Variants in CPQ observed in about 807,000 individuals in gnomAD.
CPQ encodes the protein Ser-Met dipeptidase.
In CPQ, 37 loss-of-function variants were observed where a neutral mutation model predicts 45.7. That is an observed-to-expected ratio of 0.81 (90% CI 0.62 to 1.07). The LOEUF is 1.07. Among genes scored for constraint, CPQ ranks in the 50% least tolerant of loss-of-function variants. The pLI is 0.00. For synonymous variants in CPQ, 186 were observed against 205.8 expected (o/e 0.90, Z 0.82); for missense variants, 537 against 572.9 (o/e 0.94, Z 0.64).
chr8:96,804,997 T>G (rs1811061751), intron 2 of CPQ, among the ~76,000 whole-genome samples: 1 of 152,178 alleles, frequency 6.6e-6, no homozygotes, highest in African/African-American at 2.4e-5. Context: ...TGTATTACTT[T>G]CATCTGAAGA....
At chr8:96,986,544 T>C (rs1204383673) in intron 5 of CPQ, among the ~76,000 whole-genome samples, 1 of 151,964 alleles carries the variant, frequency 6.6e-6, no homozygotes, top group Non-Finnish European at 1.5e-5. Context: ...AAGAAACAAA[T>C]CTCTATTTTC....
chr8:97,021,660 G>C (rs1433876017), intron 5 of CPQ, among the ~76,000 whole-genome samples: 1 of 152,092 alleles, frequency 6.6e-6, no homozygotes, highest in Non-Finnish European at 1.5e-5. Flanking sequence ...ACCTAACCAA[G>C]GATGTGAAAG....
intron 1 of CPQ, among the ~76,000 whole-genome samples, chr8:96,662,333 A>G (rs930838987): frequency 6.6e-6 from 1 of 152,182 alleles, no homozygotes; most frequent in Non-Finnish European, 1.5e-5. Context: ...ATTTCTCTTG[A>G]TGAAGATATG....
intron 7 of CPQ, among the ~76,000 whole-genome samples, chr8:97,134,267 A>G (rs1489617579): frequency 6.6e-6 from 1 of 152,264 alleles, no homozygotes; most frequent in Non-Finnish European, 1.5e-5. Flanking sequence ...AGGAGCTTAC[A>G]TTCTAGCAGA....
chr8:96,692,151 G>C (rs547912404), intron 1 of CPQ, among the ~76,000 whole-genome samples: 1 of 152,318 alleles, frequency 6.6e-6, no homozygotes, highest in Non-Finnish European at 1.5e-5. Flanking sequence ...AAAGGAGAAT[G>C]ATATTGGTAA....
At chr8:97,131,402 C>T (rs894919681) in intron 7 of CPQ, among the ~76,000 whole-genome samples, 5 of 152,216 alleles carry the variant, frequency 3.3e-5, no homozygotes, top group African/African-American at 1.2e-4. Context: ...TTTTTCTGAA[C>T]ATGATACATA....
chr8:96,821,693 C>T (rs182152022), intron 2 of CPQ, among the ~76,000 whole-genome samples: 3 of 152,024 alleles, frequency 2.0e-5, no homozygotes, highest in Admixed American at 6.6e-5. Context: ...CTCCTATTTG[C>T]CAGACACTGT....
chr8:96,795,690 G>A (rs1466401783), intron 2 of CPQ, among the ~76,000 whole-genome samples: 2 of 151,896 alleles, frequency 1.3e-5, no homozygotes, highest in Non-Finnish European at 2.9e-5. Flanking sequence ...ATAATGCCTT[G>A]TTATTGGAAA....
chr8:96,738,448 T>A (rs908468131), intron 1 of CPQ, among the ~76,000 whole-genome samples: 6 of 151,710 alleles, frequency 4.0e-5, no homozygotes, highest in Non-Finnish European at 5.9e-5. Flanking sequence ...TTTTTTATTT[T>A]TTTATTTTTT....
chr8:96,852,992 C>A (rs1482714976), intron 3 of CPQ, among the ~76,000 whole-genome samples: 2 of 152,180 alleles, frequency 1.3e-5, no homozygotes, highest in African/African-American at 4.8e-5. Flanking sequence ...CTTCCCAGAC[C>A]CCTGTGGGCA....
intron 1 of CPQ, among the ~76,000 whole-genome samples, chr8:96,665,121 G>T (rs1808902582): frequency 6.6e-6 from 1 of 152,206 alleles, no homozygotes; most frequent in African/African-American, 2.4e-5. Flanking sequence ...GGGCAGGTCA[G>T]TAAAAGTATC....
chr8:96,795,931 ATTTT>A lies in CPQ; in HGVS notation c.433+10604_433+10607del, dbSNP rs561092814. 3.3e-3 allele frequency among the ~76,000 whole-genome samples: 499 copies of A among 152,182 alleles called. 2 individuals carry two copies. The highest frequency in any genetic ancestry group is 0.01 in the Middle Eastern group (3 of 292). ...CAATAAAGTTCTTAGAAGCTGTTTT[ATTTT>A]TTAGTGGTTTTAGTTGTTTAAAAAT... On this transcript the variant is annotated intron_variant, in intron 2 of 7. Coordinates refer to ENST00000220763, the MANE Select transcript of CPQ (RefSeq NM_016134.4).
At chr8:97,142,125 CTTA>C (rs1247478733) in intron 7 of CPQ, among the ~76,000 whole-genome samples, 3 of 152,164 alleles carry the variant, frequency 2.0e-5, no homozygotes, top group African/African-American at 7.2e-5. Flanking sequence ...CATATATGTA[CTTA>C]TTATTTTCAC....
At chr8:97,040,322 A>T (rs923859577) in intron 6 of CPQ, among the ~76,000 whole-genome samples, 2 of 151,648 alleles carry the variant, frequency 1.3e-5, no homozygotes, top group Non-Finnish European at 2.9e-5. Flanking sequence ...CCACTTTTTG[A>T]TGGGGTTGTT....
chr8:96,975,110 CAAGAA>C (rs1813751936), intron 5 of CPQ, among the ~76,000 whole-genome samples: 1 of 150,548 alleles, frequency 6.6e-6, no homozygotes, highest in African/African-American at 2.4e-5. Flanking sequence ...CGAGATTAAC[CAAGAA>C]AAGAAGAGAG....
chr8:96,740,947 A>G (rs9773302), intron 1 of CPQ, among the ~76,000 whole-genome samples: 13,901 of 151,298 alleles, frequency 0.092, 873 homozygotes, highest in African/African-American at 0.18. Flanking sequence ...GTCTCTGCCC[A>G]TCTTTGGTAT....
intron 1 of CPQ, among the ~76,000 whole-genome samples, chr8:96,762,238 T>A (rs1260210060): frequency 6.6e-6 from 1 of 152,208 alleles, no homozygotes; most frequent in Non-Finnish European, 1.5e-5. Context: ...TATGTTTGAA[T>A]GAAGGCACTG....
At chr8:96,710,694 T>C (rs1395717924) in intron 1 of CPQ, among the ~76,000 whole-genome samples, 1 of 152,196 alleles carries the variant, frequency 6.6e-6, no homozygotes, top group African/African-American at 2.4e-5. Context: ...TTTTATTCCA[T>C]TGTGGTCTGA....
chr8:96,756,851 A>G (rs1810331984), intron 1 of CPQ, among the ~76,000 whole-genome samples: 1 of 152,162 alleles, frequency 6.6e-6, no homozygotes, highest in African/African-American at 2.4e-5. Flanking sequence ...CCACTTCTAG[A>G]TTAGTTTCAC....
Sources: gnomAD v4.1 joint callset for allele counts (sites outside exome capture counted in the v4.1 genomes callset) on GRCh38, gnomAD v4.1.1 for gene constraint, MANE v1.5 for transcripts, NCBI Gene and HGNC (gene_info 2026-07-23, HGNC 2026-07-21) for gene names.